Variants in EXOC6 observed in about 807,000 individuals in gnomAD.
The protein encoded by EXOC6 is SEC15-like 1.
EXOC6 carries 60 observed loss-of-function variants against 112.5 expected under a neutral mutation model. That is an observed-to-expected ratio of 0.53 (90% CI 0.43 to 0.66). The LOEUF is 0.66. Among genes scored for constraint, EXOC6 ranks in the 30% least tolerant of loss-of-function variants. The pLI is 0.00. For missense variants in EXOC6, 855 were observed against 957.1 expected (o/e 0.89, Z 1.41); for synonymous variants, 295 against 308.0 (o/e 0.96, Z 0.44).
intron 18 of EXOC6, among the ~76,000 whole-genome samples, chr10:92,991,430 C>A (rs1589989639): frequency 1.6e-5 from 2 of 129,008 alleles, no homozygotes; most frequent in Admixed American, 8.2e-5. Context: ...AGTGAGACTC[C>A]ATCTCAAAAA....
chr10:93,000,584 T>C (rs1480589883), intron 19 of EXOC6, among the ~76,000 whole-genome samples: 13 of 152,282 alleles, frequency 8.5e-5, no homozygotes, highest in East Asian at 1.9e-4. Flanking sequence ...ACTGTAGATA[T>C]GAAAAGGGAG....
At chr10:92,978,226 A>G (rs1288986307) in intron 18 of EXOC6, among the ~76,000 whole-genome samples, 1 of 152,280 alleles carries the variant, frequency 6.6e-6, no homozygotes, top group Non-Finnish European at 1.5e-5. Flanking sequence ...TCTGGGCAAC[A>G]TGGTGAAACC....
At chr10:92,931,388 A>G (rs894672604) in intron 9 of EXOC6, among the ~76,000 whole-genome samples, 1 of 151,008 alleles carries the variant, frequency 6.6e-6, no homozygotes, top group Non-Finnish European at 1.5e-5. Flanking sequence ...CTGTCAGGCT[A>G]TTTTTTTTAG....
chr10:93,050,759 C>CA (rs58439083), intron 20 of EXOC6, among the ~76,000 whole-genome samples: 12 of 37,306 alleles, frequency 3.2e-4, no homozygotes, highest in African/African-American at 6.4e-4. Flanking sequence ...GACTCCGTCT[C>CA]AAAAAAAAAA....
intron 20 of EXOC6, among the ~76,000 whole-genome samples, chr10:93,032,937 G>A (rs1253356037): frequency 6.6e-6 from 1 of 152,146 alleles, no homozygotes; most frequent in Non-Finnish European, 1.5e-5. Flanking sequence ...TAGCATTCCT[G>A]GCAGAGGGAA....
intron 20 of EXOC6, among the ~76,000 whole-genome samples, chr10:93,050,327 G>C (rs1590113997): frequency 6.6e-6 from 1 of 152,168 alleles, no homozygotes; most frequent in African/African-American, 2.4e-5. Context: ...GAGGTGGGTG[G>C]ATCACTTGAG....
chr10:92,891,448 C>T (rs886618840), intron 1 of EXOC6, among the ~76,000 whole-genome samples: 2 of 152,148 alleles, frequency 1.3e-5, no homozygotes, highest in African/African-American at 4.8e-5. Context: ...ATTTGACGTA[C>T]ATTAGAATGT....
At chr10:92,988,812 C>CAA (rs1320681408) in intron 18 of EXOC6, among the ~76,000 whole-genome samples, 1 of 118,692 alleles carries the variant, frequency 8.4e-6, no homozygotes, top group Non-Finnish European at 1.9e-5. Context: ...CACACACACA[C>CAA]ACACACACAC....
At chr10:92,901,203 G>T (rs1850147873) in intron 5 of EXOC6, 1 of 152,084 alleles carries the variant, frequency 6.6e-6, no homozygotes. Flanking sequence ...GATGTCTTTT[G>T]AAAAGGTATA....
chr10:93,058,480 G>A lies in EXOC6; in HGVS notation c.*125G>A. 2 of 627,736 alleles carry A rather than the reference G, an allele frequency of 3.2e-6. No individual in the cohort carries two copies. Among genetic ancestry groups the A allele is most frequent in the Admixed American group, 8.0e-5 (2 of 25,098 alleles). The allele number at this position is 627,736 out of a possible 1,614,324, so 38.9% of individuals were successfully genotyped here. ...AAATACAATAGAGAAGATACATGAG[G>A]GCTTAAACAAGAAATAGTAATAAAT... On this transcript the variant is annotated 3_prime_UTR_variant, in exon 22 of 22. Transcript: ENST00000260762.
At chr10:92,928,622 C>G (rs140318355) in intron 9 of EXOC6, among the ~76,000 whole-genome samples, 200 bp downstream of exon 9, 6 of 149,008 alleles carry the variant, frequency 4.0e-5, no homozygotes, top group African/African-American at 1.5e-4. Context: ...AGCTTACATT[C>G]TATTAGGAAA....
At chr10:93,016,722 G>A (rs12413181) in intron 20 of EXOC6, among the ~76,000 whole-genome samples, 21,433 of 151,882 alleles carry the variant, frequency 0.14, 1,814 homozygotes, top group Admixed American at 0.2. Context: ...CTGATGTCTT[G>A]ATATATGTTA....
chr10:92,848,396 C>T (rs1481540671), upstream of EXOC6: 1 of 570,622 alleles, frequency 1.8e-6, no homozygotes, highest in Non-Finnish European at 2.2e-6. Flanking sequence ...CGCCTTCTGC[C>T]CGGCGTTCCG....
chr10:92,846,110 C>T (rs765844956), upstream of EXOC6, among the ~76,000 whole-genome samples: 15 of 152,192 alleles, frequency 9.9e-5, no homozygotes, highest in Middle Eastern at 3.2e-3. Flanking sequence ...CTTCCATGTT[C>T]ACTTGAATTT....
At chr10:92,847,629 C>G (rs750590394), upstream of EXOC6, among the ~76,000 whole-genome samples, 1 of 152,190 alleles carries the variant, frequency 6.6e-6, no homozygotes, top group Non-Finnish European at 1.5e-5. Context: ...TCATGACAAA[C>G]TGGTTTACTC....
chr10:93,020,463 A>G (rs1033854400), intron 20 of EXOC6, among the ~76,000 whole-genome samples: 2 of 152,138 alleles, frequency 1.3e-5, no homozygotes, highest in East Asian at 1.9e-4. Context: ...AGAGACTCCA[A>G]TAATTAGCTT....
chr10:92,915,951 AT>A (rs759379196), intron 7 of EXOC6, 38 bp downstream of exon 7: 25 of 1,411,050 alleles, frequency 1.8e-5, no homozygotes, highest in South Asian at 5.8e-5. Flanking sequence ...TTATTAGATA[AT>A]TTTTTTTCTT....
intron 1 of EXOC6, among the ~76,000 whole-genome samples, chr10:92,828,539 G>A (rs1846421296): frequency 6.6e-6 from 1 of 151,784 alleles, no homozygotes; most frequent in African/African-American, 2.4e-5. Flanking sequence ...TCACTATGTT[G>A]GCCAGGCTGG....
intron 1 of EXOC6, among the ~76,000 whole-genome samples, chr10:92,891,478 C>T (rs1373195235): frequency 6.6e-6 from 1 of 152,044 alleles, no homozygotes; most frequent in Non-Finnish European, 1.5e-5. Flanking sequence ...TGCCAAGAAC[C>T]TAAATTCTTT....
Sources: allele counts gnomAD v4.1 joint callset (sites outside exome capture counted in the v4.1 genomes callset), GRCh38; gene constraint gnomAD v4.1.1; transcripts MANE v1.5; gene names NCBI Gene and HGNC (gene_info 2026-07-23, HGNC 2026-07-21).